ANK3: variants seen among roughly 807,000 people sequenced by gnomAD.
ANK3 encodes ankyrin 3.
ANK3 carries 57 observed loss-of-function variants against 370.9 expected under a neutral mutation model. The ratio of observed to expected loss-of-function variants is 0.15; its 90% CI spans 0.12 to 0.19. The LOEUF (loss-of-function observed/expected upper bound fraction) is 0.19, where lower values mean the gene tolerates loss of function less well. ANK3 is among the 10% of genes least tolerant of loss of function. The probability of loss-of-function intolerance (pLI) is 1.00; values close to 1 mark genes in which losing one functional copy is unlikely to be tolerated. For missense variants in ANK3, 4,439 were observed against 5,302.1 expected (o/e 0.84, Z 5.06); for synonymous variants, 1,929 against 1,946.3 (o/e 0.99, Z 0.23).
chr10:60,629,195 G>A (rs559433741), intron 1 of ANK3, among the ~76,000 whole-genome samples: 5 of 152,072 alleles, frequency 3.3e-5, no homozygotes, highest in East Asian at 1.9e-4. Flanking sequence ...AAACAAAAAC[G>A]TATGCTTATT....
At chr10:60,631,485 T>C (rs1213577570) in intron 1 of ANK3, among the ~76,000 whole-genome samples, 1 of 152,004 alleles carries the variant, frequency 6.6e-6, no homozygotes, top group Non-Finnish European at 1.5e-5. Flanking sequence ...TAATCCAAGA[T>C]TGCACCACTG....
At chr10:60,246,483 AC>A (rs1430672993) in intron 7 of ANK3, among the ~76,000 whole-genome samples, 1 of 152,096 alleles carries the variant, frequency 6.6e-6, no homozygotes, top group Non-Finnish European at 1.5e-5. Flanking sequence ...ATTTGCTGAG[AC>A]TGACACCGAA....
chr10:60,650,560 T>C (rs2078774304), intron 1 of ANK3, among the ~76,000 whole-genome samples: 1 of 152,144 alleles, frequency 6.6e-6, no homozygotes, highest in South Asian at 2.1e-4. Flanking sequence ...AGTTCTAATA[T>C]GCATAATTGT....
chr10:60,167,906 T>C (rs1009309179), intron 21 of ANK3, among the ~76,000 whole-genome samples: 15 of 152,326 alleles, frequency 9.8e-5, no homozygotes, highest in Non-Finnish European at 2.1e-4. Context: ...AATGGAGCAG[T>C]TTTAAAAATA....
chr10:60,190,085 C>T (rs1416598049), intron 16 of ANK3, among the ~76,000 whole-genome samples: 1 of 152,154 alleles, frequency 6.6e-6, no homozygotes, highest in East Asian at 1.9e-4. Context: ...TAGAGCTGCC[C>T]ATCTACTTTT....
intron 2 of ANK3, among the ~76,000 whole-genome samples, chr10:60,514,132 T>A (rs771424677): frequency 2.0e-5 from 3 of 152,154 alleles, no homozygotes; most frequent in Non-Finnish European, 4.4e-5. Context: ...AAGAACACAG[T>A]ATATAAAACA....
intron 32 of ANK3, 47 bp downstream of exon 32, chr10:60,084,555 T>C: frequency 6.8e-7 from 1 of 1,471,098 alleles, no homozygotes; most frequent in Non-Finnish European, 9.5e-7. Flanking sequence ...TAAAACCTCA[T>C]ATCTGGAGTA....
At chr10:60,262,373 C>G (rs965038518) in intron 6 of ANK3, among the ~76,000 whole-genome samples, 2 of 152,132 alleles carry the variant, frequency 1.3e-5, no homozygotes, top group Non-Finnish European at 2.9e-5. Context: ...TATTACTGAA[C>G]AGTAAATGCC....
At chr10:60,255,286 C>T (rs961945407) in intron 7 of ANK3, among the ~76,000 whole-genome samples, 2 of 152,120 alleles carry the variant, frequency 1.3e-5, no homozygotes, top group African/African-American at 2.4e-5. Flanking sequence ...TGCAGCTGAA[C>T]ATTTTGGTGA....
chr10:60,073,031 T>C lies in ANK3; in HGVS notation c.7850A>G (p.Asn2617Ser). Residue 2617 changes from asparagine to serine, a missense_variant, in exon 37 of 44, where the codon AAT becomes AGT. Around this residue, in one of 13 missense-constraint regions of ANK3, gnomAD observed 1,601 missense variants for 1,731.7 expected, o/e 0.92. Transcript: ENST00000280772. ...GCTTTGAGAAGAATATTCTTTGCCA[T>C]TTTTAGGGCGTGCCTTTTTCTCTGG... ...QSPEKKARPKNGKEYSSQSPT... is the reference protein window; with the variant it reads ...QSPEKKARPKSGKEYSSQSPT... 1.2e-6 allele frequency: 2 copies of C among 1,614,188 alleles called. No homozygotes were observed. The highest frequency in any genetic ancestry group is 2.2e-5 in the South Asian group (2 of 91,082).
rs145688136 is a variant in ANK3, at chr10:60,102,074, G to A, written c.3328+3831C>T. Among the ~76,000 whole-genome samples the A allele has an allele frequency of 3.5e-3, 535 of 151,410 alleles. 3 individuals carry two copies. The highest frequency in any genetic ancestry group is 0.012 in the African/African-American group (500 of 41,212). The stretch of plus-strand genomic sequence containing the variant: ...TTGAGTGTGTGTCATCATAATCAAC[G>A]ATGACCAGGGCTTTTACTAGCTGAT... On this transcript the variant is annotated intron_variant, in intron 28 of 43. Transcript: ENST00000280772.
chr10:60,168,048 C>A (rs2095670859), intron 21 of ANK3, among the ~76,000 whole-genome samples: 1 of 152,148 alleles, frequency 6.6e-6, no homozygotes, highest in Non-Finnish European at 1.5e-5. Context: ...TTATTTGAGA[C>A]CAAGTCTCGC....
At chr10:60,336,940 C>T (rs1346303430) in intron 1 of ANK3, among the ~76,000 whole-genome samples, 1 of 152,102 alleles carries the variant, frequency 6.6e-6, no homozygotes. Context: ...GATGAACTGA[C>T]CCCTGAACCT....
chr10:60,324,101 A>T (rs372962106), intron 1 of ANK3, among the ~76,000 whole-genome samples: 269 of 152,348 alleles, frequency 1.8e-3, no homozygotes, highest in African/African-American at 6.1e-3. Context: ...GGGGACAAGC[A>T]TGTGAGATAC....
At chr10:60,716,309 G>A (rs1030885341) in intron 1 of ANK3, among the ~76,000 whole-genome samples, 4 of 152,076 alleles carry the variant, frequency 2.6e-5, no homozygotes, top group African/African-American at 9.7e-5. Context: ...TACAATCAGA[G>A]TATTGCTTCT....
chr10:60,279,801 T>G (rs1041866621), intron 1 of ANK3, among the ~76,000 whole-genome samples, 162 bp from the exon 2 acceptor site: 9 of 152,194 alleles, frequency 5.9e-5, no homozygotes, highest in Non-Finnish European at 1.3e-4. Context: ...AAAGGACACA[T>G]TTTTTAAAAG....
At chr10:60,555,958 G>A (rs1176068136) in intron 2 of ANK3, among the ~76,000 whole-genome samples, 1 of 152,152 alleles carries the variant, frequency 6.6e-6, no homozygotes, top group Non-Finnish European at 1.5e-5. Context: ...TATTCATCAG[G>A]CCTTTATGAA....
In ANK3 at chr10:60,244,409, G is replaced by A. The variant is rs139929271; in HGVS notation, c.799-9623C>T. Reference sequence around the variant, plus strand: ...TTAACTTATACAGCCTTTTAGTTTGGTTCCTTGACATGCTCCCACTGAAGA... The same window carrying A: ...TTAACTTATACAGCCTTTTAGTTTGATTCCTTGACATGCTCCCACTGAAGA... On this transcript the variant is annotated intron_variant, in intron 7 of 43. Coordinates refer to ENST00000280772, the MANE Select transcript of ANK3 (RefSeq NM_020987.5). 6.2e-3 allele frequency among the ~76,000 whole-genome samples: 945 copies of A among 152,176 alleles called. 9 individuals are homozygous for A. The highest frequency in any genetic ancestry group is 0.022 in the African/African-American group (904 of 41,490).
intron 2 of ANK3, among the ~76,000 whole-genome samples, chr10:60,422,710 A>T (rs2063803714): frequency 6.6e-6 from 1 of 152,066 alleles, no homozygotes; most frequent in Non-Finnish European, 1.5e-5. Flanking sequence ...GTTACAAGGG[A>T]AGTTTTAAAA....
Sources: gnomAD v4.1 joint callset for allele counts (sites outside exome capture counted in the v4.1 genomes callset) on GRCh38, gnomAD v4.1.1 for gene constraint, gnomAD v4.1.1 regional missense constraint, MANE v1.5 for transcripts, NCBI Gene and HGNC (gene_info 2026-07-23, HGNC 2026-07-21) for gene names.